Variants in DNAH5 observed in about 807,000 individuals in gnomAD.
DNAH5 encodes axonemal beta dynein heavy chain 5.
DNAH5 carries 372 observed loss-of-function variants against 518.2 expected under a neutral mutation model. That is an observed-to-expected ratio of 0.72 (90% confidence interval 0.66 to 0.78). The LOEUF is 0.78. Ranked by LOEUF, DNAH5 falls within the 30% of genes least tolerant of loss-of-function variation. The probability of loss-of-function intolerance (pLI) is 0.00; values close to 1 mark genes in which losing one functional copy is unlikely to be tolerated. For missense variants in DNAH5, 5,523 were observed against 5,687.0 expected, an observed-to-expected ratio of 0.97 and a Z score of 0.93; for synonymous variants, 2,039 against 2,025.9, an observed-to-expected ratio of 1.01 and a Z score of -0.17.
chr5:13,735,090 C>T (rs1747183230), intron 68 of DNAH5, 41 bp downstream of exon 68: 1 of 1,592,210 alleles, frequency 6.3e-7, no homozygotes, highest in Non-Finnish European at 8.6e-7. Context: ...ATAACTCCTC[C>T]ATCTGCACCT....
chr5:13,697,227 T>C (rs1258555904), intron 78 of DNAH5, among the ~76,000 whole-genome samples: 1 of 152,228 alleles, frequency 6.6e-6, no homozygotes, highest in Non-Finnish European at 1.5e-5. Flanking sequence ...TTATTATTTC[T>C]ATAAAATAAT....
intron 76 of DNAH5, among the ~76,000 whole-genome samples, chr5:13,706,170 C>T (rs150207725): frequency 1.3e-5 from 2 of 152,310 alleles, no homozygotes; most frequent in Non-Finnish European, 1.5e-5. Context: ...CAGTTGGAGG[C>T]GATGCACACC....
In DNAH5 at chr5:13,811,807, C is replaced by T. The variant is rs760305949; in HGVS notation, c.7247G>A (p.Arg2416His). Residue 2416 changes from arginine to histidine, a missense_variant, in exon 44 of 79, where the codon CGC becomes CAC. By Grantham distance (29) the Arg-to-His change is conservative. Coordinates refer to ENST00000265104, the MANE Select transcript of DNAH5 (RefSeq NM_001369.3). ...AAGAATTTCTGCTTCTTGAGGTGAGCGTTTCTTAAGAAAACCCTGTCAGTT... is the reference window on the plus strand; with the variant it reads ...AAGAATTTCTGCTTCTTGAGGTGAGTGTTTCTTAAGAAAACCCTGTCAGTT... Reference protein sequence around the residue: ...SPILEGFLKKRSPQEAEILRQ... With the variant: ...SPILEGFLKKHSPQEAEILRQ... 3.0e-5 allele frequency: 49 copies of T among 1,613,904 alleles called. No homozygotes were observed. Among genetic ancestry groups the T allele is most frequent in the Middle Eastern group, 3.3e-4 (2 of 6,084 alleles).
At chr5:13,971,432 G>C (rs937639502) in intron 1 of DNAH5, among the ~76,000 whole-genome samples, 4 of 152,142 alleles carry the variant, frequency 2.6e-5, no homozygotes, top group African/African-American at 4.8e-5. Context: ...GGGGCTCAAG[G>C]GCTGCTGTTC....
chr5:13,764,009 CT>C, intron 59 of DNAH5, among the ~76,000 whole-genome samples: 1 of 152,304 alleles, frequency 6.6e-6, no homozygotes, highest in East Asian at 1.9e-4. Flanking sequence ...CTGTGTGCAC[CT>C]CACCACAGGC....
At chr5:14,010,230 G>A (rs1177832632) in intron 1 of DNAH5, among the ~76,000 whole-genome samples, 1 of 152,110 alleles carries the variant, frequency 6.6e-6, no homozygotes. Flanking sequence ...ATGAAAAGAG[G>A]TATGTCAATG....
In DNAH5 at chr5:13,913,804, G is replaced by T. The variant is rs189145014; in HGVS notation, c.1475C>A (p.Thr492Lys). 4.3e-5 allele frequency: 70 copies of T among 1,613,584 alleles called. 1 individual carries two copies. In the South Asian group the frequency reaches 7.2e-4, roughly 17 times the overall value. The change falls in exon 11 of 79, where the codon ACG (threonine) becomes AAG (lysine). Residue 492 changes from threonine to lysine, a missense_variant. Around this residue, in one of 3 missense-constraint regions of DNAH5, gnomAD observed 5,121 missense variants for 5,223.3 expected, o/e 0.98. Transcript: ENST00000265104. The part of the protein sequence containing the change: ...KIIDIFTTLK[T>K]YSVLQDSTIE... The stretch of plus-strand genomic sequence containing the variant: ...TGTGGAATCTTGCAGGACTGAATAC[G>T]TCTTGAGGGTTGTAAAGATGTCTAT...
chr5:13,833,387 C>T (rs575211360), intron 35 of DNAH5, among the ~76,000 whole-genome samples: 5 of 145,370 alleles, frequency 3.4e-5, no homozygotes, highest in Non-Finnish European at 7.4e-5. Context: ...TGCAGTGAGC[C>T]GAGATCACGC....
At chr5:13,889,300 G>C (rs1361153246) in intron 17 of DNAH5, among the ~76,000 whole-genome samples, 1 of 152,164 alleles carries the variant, frequency 6.6e-6, no homozygotes, top group Admixed American at 6.5e-5. Flanking sequence ...TTTTTTAAAT[G>C]ATGAGGAAGA....
At chr5:13,935,574 T>C (rs16902956) in intron 1 of DNAH5, among the ~76,000 whole-genome samples, 62,206 of 152,104 alleles carry the variant, frequency 0.41, 14,328 homozygotes, top group East Asian at 0.7. Context: ...GTCATATAGA[T>C]GAAATGCCAC....
Position 13,862,682 on chromosome 5 carries a change from T to A in DNAH5, c.4662A>T (p.Glu1554Asp). 1 of 1,614,038 alleles carries A rather than the reference T, an allele frequency of 6.2e-7. No homozygotes were observed. Among genetic ancestry groups the A allele is most frequent in the Non-Finnish European group, 8.5e-7 (1 of 1,179,956 alleles). Residue 1554 changes from glutamate to aspartate, a missense_variant, in exon 29 of 79, where the codon GAA (glutamate) becomes GAT (aspartate). Physicochemically the swap from Glu to Asp is conservative, Grantham distance 45. Transcript: ENST00000265104. Reference protein sequence around the residue: ...IEQKLKQVINEWDNKTFTFGS... With the variant: ...IEQKLKQVINDWDNKTFTFGS... ...CGAAGGTGAATGTTTTATTGTCCCA[T>A]TCATTAATCACTTGCTTCAGCTTTT... is the stretch of plus-strand genomic sequence containing the variant.
chr5:13,870,603 A>G (rs547352037), intron 24 of DNAH5, among the ~76,000 whole-genome samples, 164 bp downstream of exon 24: 1 of 152,188 alleles, frequency 6.6e-6, no homozygotes. Flanking sequence ...AAACTGGCCC[A>G]TGGAAGGCAA....
At chr5:13,718,111 A>T (rs1445124356) in intron 72 of DNAH5, among the ~76,000 whole-genome samples, 1 of 152,100 alleles carries the variant, frequency 6.6e-6, no homozygotes, top group South Asian at 2.1e-4. Context: ...CCTTGTTAGC[A>T]ACTCCCCAAA....
At chr5:13,829,394 G>C in intron 38 of DNAH5, 116 bp downstream of exon 38, 1 of 984,314 alleles carries the variant, frequency 1.0e-6, no homozygotes, top group Non-Finnish European at 1.6e-6. Flanking sequence ...TTTCTACTCA[G>C]TGTCAATAAA....
At chr5:13,812,037 C>T (rs914192648) in intron 43 of DNAH5, among the ~76,000 whole-genome samples, 1 of 152,174 alleles carries the variant, frequency 6.6e-6, no homozygotes, top group African/African-American at 2.4e-5. Flanking sequence ...TTATTATCCT[C>T]CTTTTACACA....
upstream of DNAH5, among the ~76,000 whole-genome samples, chr5:13,946,497 G>A (rs1779937369): frequency 2.0e-5 from 3 of 152,080 alleles, no homozygotes; most frequent in South Asian, 2.1e-4. Context: ...ACCTACCCCC[G>A]CCAGCCCCTG....
At chr5:13,862,973 C>T (rs940136867) in intron 28 of DNAH5, among the ~76,000 whole-genome samples, 1 of 151,962 alleles carries the variant, frequency 6.6e-6, no homozygotes, top group African/African-American at 2.4e-5. Context: ...AAAAATAGAA[C>T]TTTAATTTAT....
chr5:13,867,990 T>A lies in DNAH5; in HGVS notation c.3837A>T (p.Glu1279Asp), dbSNP rs750132119. ...CATATCTGTTAAGCAGGGCATAAGA[T>A]TCCTAAAAAAAAATAGGAAAAACTT... The part of the protein sequence containing the change: ...SIDFQVGPIE[E>D]SYALLNRYGL... Residue 1279 changes from glutamate to aspartate, a missense_variant and splice_region_variant, in exon 25 of 79, where the codon GAA (glutamate) becomes GAT (aspartate). By Grantham distance (45) the Glu-to-Asp change is conservative (BLOSUM62 2). Around this residue, in one of 3 missense-constraint regions of DNAH5, gnomAD observed 5,121 missense variants for 5,223.3 expected, o/e 0.98. Coordinates refer to ENST00000265104, the MANE Select transcript of DNAH5 (RefSeq NM_001369.3). 21 of 1,587,674 alleles carry A rather than the reference T, an allele frequency of 1.3e-5. No individual in the cohort carries two copies. The Admixed American group carries it at 3.5e-4, about 26-fold the overall frequency.
Position 13,751,131 on chromosome 5 carries a change from T to C in DNAH5, c.11158A>G (p.Met3720Val). The C allele has an allele frequency of 6.2e-7, 1 of 1,614,026 alleles. No homozygotes were observed. Among genetic ancestry groups the C allele is most frequent in the Non-Finnish European group, 8.5e-7 (1 of 1,179,932 alleles). Residue 3720 changes from methionine (M) to valine (V), a missense_variant, in exon 65 of 79, where the codon ATG becomes GTG. Met to Val is a conservative substitution (Grantham distance 21, BLOSUM62 1). Transcript: ENST00000265104. ...AGTAACTGATCTTCTAGACCTTTCATGGTGACAGTGAAGTCAATGATGGAG... is the reference window on the plus strand; with the variant it reads ...AGTAACTGATCTTCTAGACCTTTCACGGTGACAGTGAAGTCAATGATGGAG... ...RTSIIDFTVT[M>V]KGLEDQLLGR... is the part of the protein sequence containing the mutation.
Sources: gnomAD v4.1 joint callset for allele counts (sites outside exome capture counted in the v4.1 genomes callset) on GRCh38, gnomAD v4.1.1 for gene constraint, gnomAD v4.1.1 regional missense constraint, MANE v1.5 for transcripts, NCBI Gene and HGNC (gene_info 2026-07-23, HGNC 2026-07-21) for gene names.